Variants in DDAH1 observed in about 807,000 individuals in gnomAD.
DDAH1 encodes the protein N(G),N(G)-dimethylarginine dimethylaminohydrolase 1.
In DDAH1, 19 loss-of-function variants were observed where a neutral mutation model predicts 28.8. That is an observed-to-expected ratio of 0.66 (90% confidence interval 0.46 to 0.97). The LOEUF (loss-of-function observed/expected upper bound fraction) is 0.97. Among genes scored for constraint, DDAH1 ranks in the 50% least tolerant of loss-of-function variants. The pLI is 0.00. For missense variants in DDAH1, 326 were observed against 375.9 expected (o/e 0.87, Z 1.10); for synonymous variants, 153 against 154.4 (o/e 0.99, Z 0.07).
chr1:85,417,600 C>T (rs1034159395), intron 1 of DDAH1, among the ~76,000 whole-genome samples: 1 of 152,222 alleles, frequency 6.6e-6, no homozygotes, highest in African/African-American at 2.4e-5. Flanking sequence ...AATCCTATCT[C>T]CTTATAGGGA....
rs1483548352 is a variant in DDAH1, at chr1:85,430,399, T to C, written c.303+34344A>G. On this transcript the variant is annotated intron_variant, in intron 1 of 5. Transcript: ENST00000284031. ...CTATATGGGCTCTGTTTTGGTTCCA[T>C]ATGAAATTTTAAGTAGTTTTTTCTA... is the stretch of plus-strand genomic sequence containing the variant. 2.6e-5 allele frequency among the ~76,000 whole-genome samples: 4 copies of C among 152,232 alleles called. No individual in the cohort carries two copies. In the East Asian group the frequency reaches 7.7e-4, roughly 29 times the overall value.
chr1:85,345,332 T>C (rs1557494495), intron 4 of DDAH1, among the ~76,000 whole-genome samples: 1 of 35,346 alleles, frequency 2.8e-5, no homozygotes, highest in East Asian at 1.7e-3. Context: ...TTGTCTTACA[T>C]TATTTTTTTT....
In DDAH1 at chr1:85,499,641, C is replaced by T. The variant is rs562898427; in HGVS notation, c.-122-3360G>A. Among the ~76,000 whole-genome samples the T allele has an allele frequency of 1.1e-4, 16 of 151,060 alleles. No homozygotes were observed. In the South Asian group the frequency reaches 3.4e-3, roughly 32 times the overall value. On this transcript the variant is annotated intron_variant, in intron 1 of 6. Transcript: ENST00000426972. Reference sequence around the variant, plus strand: ...AGTGAGCCAAGATCGCACCACTGCACTCCAGCAACAGTGAGACTCCATCTC... The same window carrying T: ...AGTGAGCCAAGATCGCACCACTGCATTCCAGCAACAGTGAGACTCCATCTC...
intron 1 of DDAH1, among the ~76,000 whole-genome samples, chr1:85,441,872 T>C (rs1364850267): frequency 6.6e-6 from 1 of 152,194 alleles, no homozygotes; most frequent in East Asian, 1.9e-4. Context: ...TCCGAAAGAA[T>C]AGTTTTGATG....
Position 85,464,642 on chromosome 1 carries a change from A to G in DDAH1, c.303+101T>C, listed in dbSNP as rs979455950. The G allele has an allele frequency of 3.4e-6, 5 of 1,488,084 alleles. No individual in the cohort carries two copies. The highest frequency in any genetic ancestry group is 1.4e-5 in the African/African-American group (1 of 70,862). The allele number at this position is 1,488,084 out of a possible 1,614,324, so 92.2% of individuals were successfully genotyped here. On this transcript the variant is annotated intron_variant, in intron 1 of 5. Coordinates refer to ENST00000284031, the MANE Select transcript of DDAH1 (RefSeq NM_012137.4). The surrounding 1 kb of genome is among the most constrained non-coding windows in gnomAD (Gnocchi z 4.4). The stretch of plus-strand genomic sequence containing the variant: ...CCCCGACGGGAAGTTGTGAACTACT[A>G]GCCCGAGGGCCAATGGCGCGACTCC...
At chr1:85,379,334 A>G (rs1293949348) in intron 1 of DDAH1, among the ~76,000 whole-genome samples, 1 of 152,156 alleles carries the variant, frequency 6.6e-6, no homozygotes, top group Non-Finnish European at 1.5e-5. Context: ...AATGGTTGCA[A>G]TAGCTATAGT....
At chr1:85,551,665 A>C (rs2100795252) in intron 1 of DDAH1, among the ~76,000 whole-genome samples, 1 of 152,356 alleles carries the variant, frequency 6.6e-6, no homozygotes, top group Non-Finnish European at 1.5e-5. Flanking sequence ...CACAAAAATA[A>C]ACATGAAATA....
Position 85,435,419 on chromosome 1 carries a change from C to T in DDAH1, c.303+29324G>A, listed in dbSNP as rs1033374276. The T allele has an allele frequency of 4.6e-5, 7 of 152,204 alleles. No individual in the cohort carries two copies. In the East Asian group the frequency reaches 1.3e-3, roughly 29 times the overall value. The allele number at this position is 152,204 out of a possible 1,614,324, so 9.4% of individuals were successfully genotyped here. ...TTTCATTCACTAAATATTCATTGAG[C>T]ATCTACTATATGTTGGGCATACTAC... On this transcript the variant is annotated intron_variant, in intron 1 of 5. Coordinates refer to ENST00000284031, the MANE Select transcript of DDAH1 (RefSeq NM_012137.4).
chr1:85,324,053 T>G lies in DDAH1; in HGVS notation c.741+687A>C, dbSNP rs559236005. The stretch of plus-strand genomic sequence containing the variant: ...AGGAGGCCCAGGCGGGCAGACTGCT[T>G]GAGCTCACGAATTTGATACCGGCCT... On this transcript the variant is annotated intron_variant, in intron 5 of 5. Transcript: ENST00000284031. Among the ~76,000 whole-genome samples, 65 of 151,500 alleles carry G rather than the reference T, an allele frequency of 4.3e-4. No homozygotes were observed. The South Asian group carries it at 0.013, about 31-fold the overall frequency.
intron 1 of DDAH1, among the ~76,000 whole-genome samples, chr1:85,390,078 A>T (rs1257600583): frequency 1.3e-5 from 2 of 152,180 alleles, no homozygotes; most frequent in Non-Finnish European, 2.9e-5. Context: ...ATGTGGTCGC[A>T]TATCTTTCTA....
rs766312428 is a variant in DDAH1, at chr1:85,320,275, A to G, written c.*1177T>C. 2 of 152,672 alleles carry G rather than the reference A, an allele frequency of 1.3e-5. No homozygotes were observed. Among genetic ancestry groups the G allele is most frequent in the South Asian group, 2.1e-4 (1 of 4,830 alleles). The allele number at this position is 152,672 out of a possible 1,614,324, so 9.5% of individuals were successfully genotyped here. On this transcript the variant is annotated 3_prime_UTR_variant, in exon 6 of 6. Coordinates refer to ENST00000284031, the MANE Select transcript of DDAH1 (RefSeq NM_012137.4). ...TGGATCCCACAGTAAATATTCACGG[A>G]TATTTCAAAGTAGAATTGTCCACTG... is the stretch of plus-strand genomic sequence containing the variant.
intron 1 of DDAH1, among the ~76,000 whole-genome samples, chr1:85,415,546 T>G (rs1271935430): frequency 1.3e-5 from 2 of 152,118 alleles, no homozygotes; most frequent in Non-Finnish European, 1.5e-5. Context: ...CAGAAAAAAC[T>G]GAATATATTC....
At chr1:85,404,501 C>G (rs1422000982) in intron 1 of DDAH1, 1 of 1,473,288 alleles carries the variant, frequency 6.8e-7, no homozygotes, top group African/African-American at 1.4e-5. Context: ...CAGTCTGACC[C>G]GGATTGAGCC....
chr1:85,373,545 ACTCT>A (rs1399416282), intron 1 of DDAH1, among the ~76,000 whole-genome samples: 5 of 151,184 alleles, frequency 3.3e-5, no homozygotes, highest in African/African-American at 9.7e-5. Context: ...TCCTTCACAC[ACTCT>A]CTCTCTTTCC....
intron 4 of DDAH1, among the ~76,000 whole-genome samples, chr1:85,337,608 C>T (rs950820228): frequency 1.3e-5 from 2 of 152,128 alleles, no homozygotes; most frequent in East Asian, 3.8e-4. Flanking sequence ...CACACACCAC[C>T]ATGACCAGCT....
intron 1 of DDAH1, among the ~76,000 whole-genome samples, chr1:85,449,802 T>C (rs2100667679): frequency 6.6e-6 from 1 of 152,000 alleles, no homozygotes; most frequent in African/African-American, 2.4e-5. Flanking sequence ...AGGTGGCAGA[T>C]GAAGTTGGGA....
intron 1 of DDAH1, among the ~76,000 whole-genome samples, chr1:85,568,997 T>G (rs528610939): frequency 5.9e-4 from 90 of 152,356 alleles, no homozygotes; most frequent in Admixed American, 2.0e-3. Flanking sequence ...TCTGTCATCT[T>G]TGTATCCCCA....
At chr1:85,328,432 G>T (rs1647546786) in intron 4 of DDAH1, among the ~76,000 whole-genome samples, 1 of 152,208 alleles carries the variant, frequency 6.6e-6, no homozygotes. Context: ...GTTAGGATTT[G>T]TGAAACTTCT....
intron 1 of DDAH1, among the ~76,000 whole-genome samples, chr1:85,509,398 C>T (rs964203342): frequency 2.0e-5 from 3 of 152,160 alleles, no homozygotes; most frequent in African/African-American, 4.8e-5. Flanking sequence ...AAAACCAGAA[C>T]AGAAAATTCT....
Sources: allele counts gnomAD v4.1 joint callset (sites outside exome capture counted in the v4.1 genomes callset), GRCh38; gene constraint gnomAD v4.1.1; non-coding constraint Gnocchi (gnomAD v3.1); transcripts MANE v1.5; gene names NCBI Gene and HGNC (gene_info 2026-07-23, HGNC 2026-07-21).